LIMS1: variants seen among roughly 807,000 people sequenced by gnomAD.
The protein encoded by LIMS1 is LIM and senescent cell antigen-like-containing domain protein 1.
A neutral mutation model predicts 44.1 loss-of-function variants in LIMS1; 18 were observed. The observed-to-expected ratio is 0.41, with a 90% confidence interval of 0.28 to 0.61. The LOEUF (loss-of-function observed/expected upper bound fraction) is 0.61. LIMS1 is among the 20% of genes least tolerant of loss of function. The pLI, the probability that LIMS1 is intolerant of heterozygous loss-of-function variation, is 0.32. For missense variants in LIMS1, 201 were observed against 422.0 expected, an observed-to-expected ratio of 0.48 and a Z score of 4.59; for synonymous variants, 93 against 149.1, an observed-to-expected ratio of 0.62 and a Z score of 2.74.
At chr2:108,627,406 T>G (rs1038987909) in intron 1 of LIMS1, among the ~76,000 whole-genome samples, 2 of 147,574 alleles carry the variant, frequency 1.4e-5, no homozygotes, top group Non-Finnish European at 1.5e-5. Context: ...TCTGGTTTTT[T>G]TTTTTTTTTT....
chr2:108,659,458 T>C (rs1285140484), intron 1 of LIMS1, 147 bp from the exon 2 acceptor site: 81 of 1,432,078 alleles, frequency 5.7e-5, no homozygotes, highest in Middle Eastern at 5.2e-4. Flanking sequence ...TCAGAGCATG[T>C]AAGGAACAAG....
chr2:108,592,358 A>G (rs935431988), intron 1 of LIMS1, among the ~76,000 whole-genome samples: 5 of 152,206 alleles, frequency 3.3e-5, no homozygotes, highest in African/African-American at 1.2e-4. Context: ...TGTTGCCACA[A>G]ATGTATGATA....
chr2:108,581,965 C>T (rs1365346092), intron 1 of LIMS1, among the ~76,000 whole-genome samples: 5 of 151,312 alleles, frequency 3.3e-5, no homozygotes, highest in Admixed American at 1.3e-4. Flanking sequence ...ACAAAAAATA[C>T]TTGCTATATG....
intron 1 of LIMS1, among the ~76,000 whole-genome samples, chr2:108,654,575 A>G (rs566895917): frequency 2.6e-5 from 4 of 152,222 alleles, no homozygotes; most frequent in South Asian, 2.1e-4. Flanking sequence ...CAGGGTTCAA[A>G]TGCTCCTCAG....
chr2:108,540,193 CTTTTTTTTTT>C (rs34386092), intron 1 of LIMS1, among the ~76,000 whole-genome samples: 4 of 93,314 alleles, frequency 4.3e-5, no homozygotes, highest in South Asian at 4.0e-4. Context: ...GTACAGATTC[CTTTTTTTTTT>C]TTTTTTTTTT....
At chr2:108,582,340 A>G (rs10204739) in intron 1 of LIMS1, among the ~76,000 whole-genome samples, 7,664 of 152,316 alleles carry the variant, frequency 0.05, 277 homozygotes, top group South Asian at 0.15. Context: ...GAGATGCTGA[A>G]TGTCATGAAG....
chr2:108,584,845 TG>T (rs1686030484), intron 1 of LIMS1, among the ~76,000 whole-genome samples: 6 of 151,802 alleles, frequency 4.0e-5, no homozygotes, highest in Non-Finnish European at 5.9e-5. Flanking sequence ...GATGAGGGTT[TG>T]GGGACATAGA....
intron 2 of LIMS1, among the ~76,000 whole-genome samples, chr2:108,670,147 T>A (rs948995680): frequency 6.7e-6 from 1 of 148,550 alleles, no homozygotes; most frequent in African/African-American, 2.5e-5. Flanking sequence ...GATGTAAAAA[T>A]CTTGGCTGTT....
chr2:108,680,011 G>A (rs1244129437), intron 8 of LIMS1, among the ~76,000 whole-genome samples: 4 of 151,942 alleles, frequency 2.6e-5, no homozygotes, highest in African/African-American at 9.7e-5. Flanking sequence ...GATTGCTTGA[G>A]CCCAGGAGTT....
chr2:108,580,858 T>C (rs1274776536), intron 1 of LIMS1, among the ~76,000 whole-genome samples: 1 of 151,960 alleles, frequency 6.6e-6, no homozygotes, highest in Non-Finnish European at 1.5e-5. Flanking sequence ...TAAGTTGGAG[T>C]ATCTAAGCAG....
chr2:108,616,369 G>C (rs535759668), intron 1 of LIMS1, among the ~76,000 whole-genome samples: 1 of 151,830 alleles, frequency 6.6e-6, no homozygotes, highest in African/African-American at 2.4e-5. Context: ...TCGCCACCAC[G>C]CCCAGCTAAT....
intron 1 of LIMS1, among the ~76,000 whole-genome samples, chr2:108,652,646 A>G (rs1690579534): frequency 6.6e-6 from 1 of 152,194 alleles, no homozygotes; most frequent in African/African-American, 2.4e-5. Context: ...CATGTGATGA[A>G]ATGACAGACA....
chr2:108,653,153 C>A (rs555193866), intron 1 of LIMS1, among the ~76,000 whole-genome samples: 1 of 151,830 alleles, frequency 6.6e-6, no homozygotes, highest in East Asian at 1.9e-4. Context: ...TATCTGGTAC[C>A]CACTCCCTCA....
At chr2:108,669,286 T>C (rs1281182465) in intron 2 of LIMS1, among the ~76,000 whole-genome samples, 1 of 151,902 alleles carries the variant, frequency 6.6e-6, no homozygotes, top group African/African-American at 2.4e-5. Context: ...TGGGCGCCTG[T>C]AATCCCAGCT....
chr2:108,534,687 C>T lies in LIMS1; in HGVS notation c.32+93C>T, dbSNP rs1461649029. On this transcript the variant is annotated intron_variant, in intron 1 of 9. Transcript: ENST00000544547. ...CCGGGCCGGGCCTGGCGCGGGCGGG[C>T]GGCCGGGCTTTCCCCGCGGCCTCCC... 16 of 746,570 alleles carry T rather than the reference C, an allele frequency of 2.1e-5. No homozygotes were observed. In the East Asian group the frequency reaches 1.2e-3, roughly 55 times the overall value. The allele number at this position is 746,570 out of a possible 1,614,324, so 46.2% of individuals were successfully genotyped here. A position where few individuals can be genotyped will look rare whatever the true frequency, so the allele number is the denominator to read the frequency against.
At chr2:108,540,599 A>G (rs1050704376) in intron 1 of LIMS1, among the ~76,000 whole-genome samples, 2 of 152,246 alleles carry the variant, frequency 1.3e-5, no homozygotes, top group African/African-American at 4.8e-5. Context: ...TCATGGTGAC[A>G]TGAAGATCTA....
intron 1 of LIMS1, among the ~76,000 whole-genome samples, chr2:108,636,920 C>T (rs1387568522): frequency 6.6e-6 from 1 of 152,118 alleles, no homozygotes; most frequent in Non-Finnish European, 1.5e-5. Context: ...ACATGAGCAC[C>T]AGCTTACAGT....
At chr2:108,610,146 A>C (rs1292367426) in intron 1 of LIMS1, among the ~76,000 whole-genome samples, 5 of 132,110 alleles carry the variant, frequency 3.8e-5, no homozygotes, top group Admixed American at 7.9e-5. Flanking sequence ...CTGTTACAAA[A>C]AATGTGTGTG....
intron 1 of LIMS1, among the ~76,000 whole-genome samples, chr2:108,595,333 T>TCA (rs1308803540): frequency 7.2e-5 from 11 of 152,048 alleles, no homozygotes; most frequent in African/African-American, 2.7e-4. Context: ...GATGAGGAGG[T>TCA]GTAATGTGTG....
Sources: allele counts gnomAD v4.1 joint callset (sites outside exome capture counted in the v4.1 genomes callset), GRCh38; gene constraint gnomAD v4.1.1; transcripts MANE v1.5; gene names NCBI Gene and HGNC (gene_info 2026-07-23, HGNC 2026-07-21).